Variants in MAPK10 observed in about 807,000 individuals in gnomAD.
The protein encoded by MAPK10 is JNK3 alpha protein kinase.
A neutral mutation model predicts 59.3 loss-of-function variants in MAPK10; 25 were observed. The observed-to-expected ratio is 0.42, with a 90% confidence interval of 0.31 to 0.59. The LOEUF is 0.59. Among genes scored for constraint, MAPK10 ranks in the 20% least tolerant of loss-of-function variants. The probability of loss-of-function intolerance (pLI) is 0.15; values close to 1 mark genes in which losing one functional copy is unlikely to be tolerated. For missense variants in MAPK10, 351 were observed against 568.9 expected, an observed-to-expected ratio of 0.62 and a Z score of 3.90; for synonymous variants, 190 against 200.5, an observed-to-expected ratio of 0.95 and a Z score of 0.44.
chr4:86,056,758 T>C (rs1172232675), intron 11 of MAPK10, among the ~76,000 whole-genome samples: 2 of 149,738 alleles, frequency 1.3e-5, no homozygotes, highest in Non-Finnish European at 3.0e-5. Context: ...AATACATGAA[T>C]CTTTAAAATA....
intron 1 of MAPK10, among the ~76,000 whole-genome samples, chr4:86,474,341 C>T (rs1752896990): frequency 6.6e-6 from 1 of 152,096 alleles, no homozygotes; most frequent in Admixed American, 6.5e-5. Context: ...TTAATTGAGA[C>T]ATCCTAAGGT....
At chr4:86,177,570 T>C (rs1422585272) in intron 3 of MAPK10, among the ~76,000 whole-genome samples, 2 of 152,114 alleles carry the variant, frequency 1.3e-5, no homozygotes, top group African/African-American at 4.8e-5. Flanking sequence ...TAAAAACCCA[T>C]ATAATTCTGG....
chr4:86,494,591 A>G (rs1256042024), intron 1 of MAPK10, among the ~76,000 whole-genome samples: 1 of 152,108 alleles, frequency 6.6e-6, no homozygotes, highest in East Asian at 1.9e-4. Context: ...CACACCCGTA[A>G]TCCCAGCACT....
chr4:86,570,371 CT>C (rs1174241130), intron 1 of MAPK10, among the ~76,000 whole-genome samples: 1 of 152,100 alleles, frequency 6.6e-6, no homozygotes, highest in Non-Finnish European at 1.5e-5. Context: ...GGAACACTAA[CT>C]TTGAACCCCA....
chr4:86,475,773 C>T (rs1043494221), intron 1 of MAPK10, among the ~76,000 whole-genome samples: 8 of 151,928 alleles, frequency 5.3e-5, no homozygotes, highest in Non-Finnish European at 8.8e-5. Context: ...GAACCCCCCA[C>T]CCCTTCTCTC....
At chr4:86,514,503 G>A (rs1043353233) in intron 1 of MAPK10, among the ~76,000 whole-genome samples, 6 of 151,972 alleles carry the variant, frequency 3.9e-5, no homozygotes, top group Admixed American at 3.3e-4. Context: ...TTTTCTTTTA[G>A]AGAGTCCCCT....
chr4:86,564,258 ACTT>A (rs1320574555), intron 1 of MAPK10, among the ~76,000 whole-genome samples: 1 of 152,160 alleles, frequency 6.6e-6, no homozygotes, highest in African/African-American at 2.4e-5. Context: ...CATCTAAACT[ACTT>A]CTTTTTTGCA....
chr4:86,027,637 C>G (rs1005882743), intron 13 of MAPK10: 4 of 152,076 alleles, frequency 2.6e-5, no homozygotes, highest in Non-Finnish European at 5.9e-5. Context: ...TGGAATAGTA[C>G]TAAGAAATAT....
At chr4:86,267,515 G>A (rs777719320) in intron 2 of MAPK10, among the ~76,000 whole-genome samples, 2 of 152,098 alleles carry the variant, frequency 1.3e-5, no homozygotes, top group Admixed American at 6.6e-5. Flanking sequence ...CTCACCCTGA[G>A]TAAAAGGCAA....
chr4:86,477,227 G>T (rs770361339), intron 1 of MAPK10, among the ~76,000 whole-genome samples: 1 of 152,088 alleles, frequency 6.6e-6, no homozygotes, highest in East Asian at 1.9e-4. Context: ...CATAACTGTC[G>T]TGGGTATTGA....
chr4:86,299,154 T>TA (rs780682926), intron 2 of MAPK10, among the ~76,000 whole-genome samples: 102 of 152,202 alleles, frequency 6.7e-4, no homozygotes, highest in Non-Finnish European at 7.5e-4. Context: ...ATAAAAGCAG[T>TA]AAAAAAAGCC....
intron 2 of MAPK10, among the ~76,000 whole-genome samples, chr4:86,213,006 G>A (rs1320210449): frequency 6.6e-6 from 1 of 151,994 alleles, no homozygotes; most frequent in Non-Finnish European, 1.5e-5. Context: ...TATTTTCTCT[G>A]GTCACAACAG....
At chr4:86,119,609 A>G (rs990753679) in intron 4 of MAPK10, 10 of 151,594 alleles carry the variant, frequency 6.6e-5, no homozygotes, top group Non-Finnish European at 1.0e-4. Context: ...AAAAAAGCCA[A>G]TAATAGGAGA....
chr4:86,178,137 A>G (rs1342811607), intron 3 of MAPK10, among the ~76,000 whole-genome samples: 1 of 152,116 alleles, frequency 6.6e-6, no homozygotes, highest in Non-Finnish European at 1.5e-5. Flanking sequence ...CCACCACAAT[A>G]TTTTGGAATT....
rs56319235 is a variant in MAPK10, at chr4:86,464,819, C to CA, written c.-262-110176dup. ...TGGGCAACAGAGCGAGACTCTGTCTCAAAAAAAAAAAAAGAATGCACCCTT... is the reference window on the plus strand; with the variant it reads ...TGGGCAACAGAGCGAGACTCTGTCTCAAAAAAAAAAAAAAGAATGCACCCTT... On this transcript the variant is annotated intron_variant, in intron 1 of 4. Coordinates refer to the MAPK10 transcript ENST00000502302. Among the ~76,000 whole-genome samples the CA allele has an allele frequency of 2.7e-3, 373 of 136,984 alleles. 1 individual carries two copies. The highest frequency in any genetic ancestry group is 0.025 in the Middle Eastern group (6 of 242). The allele number at this position is 136,984 out of a possible 152,430, so 89.9% of individuals were successfully genotyped here.
chr4:86,072,238 A>C (rs1378367419), intron 9 of MAPK10, among the ~76,000 whole-genome samples: 1 of 150,504 alleles, frequency 6.6e-6, no homozygotes, highest in Admixed American at 6.6e-5. Flanking sequence ...TTGTACATTG[A>C]TTTTGTATCC....
chr4:86,547,401 C>T (rs529507794), intron 1 of MAPK10, among the ~76,000 whole-genome samples: 3 of 152,206 alleles, frequency 2.0e-5, no homozygotes, highest in African/African-American at 4.8e-5. Context: ...AGCAGTCGGC[C>T]GGCCCCACCG....
At chr4:86,424,948 GGT>G (rs1747074538) in intron 1 of MAPK10, among the ~76,000 whole-genome samples, 1 of 152,128 alleles carries the variant, frequency 6.6e-6, no homozygotes. Flanking sequence ...TCATGGCCAG[GGT>G]GGATTTGAGG....
At chr4:86,340,684 A>C (rs990089687) in intron 2 of MAPK10, among the ~76,000 whole-genome samples, 1 of 152,164 alleles carries the variant, frequency 6.6e-6, no homozygotes, top group South Asian at 2.1e-4. Flanking sequence ...ACTAAAAAGT[A>C]AACAAAGCAG....
Sources: allele counts gnomAD v4.1 joint callset (sites outside exome capture counted in the v4.1 genomes callset), GRCh38; gene constraint gnomAD v4.1.1; transcripts MANE v1.5; gene names NCBI Gene and HGNC (gene_info 2026-07-23, HGNC 2026-07-21).